The following TRIM24 variants were observed in gnomAD, a reference collection of about 807,000 sequenced individuals.
The protein encoded by TRIM24 is tripartite motif containing 24.
A neutral mutation model predicts 123.9 loss-of-function variants in TRIM24; 29 were observed. The observed-to-expected ratio is 0.23, with a 90% CI of 0.17 to 0.32. The LOEUF (loss-of-function observed/expected upper bound fraction) is 0.32. Ranked by LOEUF, TRIM24 falls within the 10% of genes least tolerant of loss-of-function variation. TRIM24 has a pLI of 1.00. For synonymous variants in TRIM24, 456 were observed against 461.1 expected (o/e 0.99, Z 0.14); for missense variants, 932 against 1,295.3 (o/e 0.72, Z 4.31).
rs893154813 is a variant in TRIM24 at position 138,460,882 on chromosome 7, G to A, written c.334G>A (p.Val112Ile). The change falls in exon 1 of 19, where the codon GTC becomes ATC. Residue 112 changes from valine (V) to isoleucine (I), a missense_variant. Physicochemically the swap from Val to Ile is conservative, Grantham distance 29. Coordinates refer to ENST00000343526, the MANE Select transcript of TRIM24 (RefSeq NM_015905.3). ...PPPVPAPGSP[V>I]SGSSPFATQV... is the part of the protein sequence containing the mutation. ...ACCCGTCCCTGCCCCCGGCTCGCCG[G>A]TCAGCGGCTCGTCGCCGTTCGCCAC... 10 of 1,529,272 alleles carry A rather than the reference G, an allele frequency of 6.5e-6. No individual in the cohort carries two copies. Among genetic ancestry groups the A allele is most frequent in the African/African-American group, 1.4e-5 (1 of 70,080 alleles). 94.7% of individuals were successfully genotyped at this position (1,529,272 alleles called of 1,614,324 possible). A position where few individuals can be genotyped will look rare whatever the true frequency, so the allele number is the denominator to read the frequency against.
At chr7:138,463,932 G>A (rs1210680955) in intron 1 of TRIM24, among the ~76,000 whole-genome samples, 1 of 141,994 alleles carries the variant, frequency 7.0e-6, no homozygotes, top group Non-Finnish European at 1.5e-5. Context: ...TGGGTATTTT[G>A]TCCCTTTATC....
chr7:138,585,691 T>G lies in TRIM24; in HGVS notation c.*740T>G. On this transcript the variant is annotated 3_prime_UTR_variant, in exon 19 of 19. Coordinates refer to ENST00000343526, the MANE Select transcript of TRIM24 (RefSeq NM_015905.3). ...ACATTTCTAGATCTAGATTTTCAACTTCTTCCACTGAGGGAAGTATATACA... is the reference window on the plus strand; with the variant it reads ...ACATTTCTAGATCTAGATTTTCAACGTCTTCCACTGAGGGAAGTATATACA... 5.1e-6 allele frequency: 2 copies of G among 394,198 alleles called. No homozygotes were observed. The highest frequency in any genetic ancestry group is 6.6e-5 in the East Asian group (1 of 15,222). 24.4% of individuals were successfully genotyped at this position (394,198 alleles called of 1,614,324 possible).
intron 2 of TRIM24, among the ~76,000 whole-genome samples, chr7:138,507,245 C>T (rs1031199624): frequency 6.6e-6 from 1 of 152,028 alleles, no homozygotes; most frequent in African/African-American, 2.4e-5. Context: ...GCCCATGGAC[C>T]CATCGCCTAG....
chr7:138,573,702 TA>T, intron 12 of TRIM24, 60 bp downstream of exon 12: 33 of 1,541,338 alleles, frequency 2.1e-5, no homozygotes, highest in Non-Finnish European at 2.9e-5. Context: ...TTACTTGGAA[TA>T]AAAAATTACC....
chr7:138,569,326 A>C (rs1333061866), intron 10 of TRIM24, among the ~76,000 whole-genome samples: 1 of 152,212 alleles, frequency 6.6e-6, no homozygotes, highest in Non-Finnish European at 1.5e-5. Flanking sequence ...ACATGAATGA[A>C]TAAGTAAAGG....
intron 12 of TRIM24, among the ~76,000 whole-genome samples, chr7:138,574,438 T>C (rs1042677218): frequency 1.3e-5 from 2 of 152,142 alleles, no homozygotes; most frequent in Admixed American, 6.5e-5. Flanking sequence ...TATGACAAAA[T>C]ATAGCAGAGA....
chr7:138,570,773 A>AT, intron 10 of TRIM24, 57 bp from the exon 11 acceptor site: 1 of 1,568,136 alleles, frequency 6.4e-7, no homozygotes, highest in Non-Finnish European at 8.7e-7. Flanking sequence ...GATTACATAG[A>AT]TGTTGTATTT....
chr7:138,555,670 G>A (rs542020749), intron 9 of TRIM24, among the ~76,000 whole-genome samples: 2 of 151,988 alleles, frequency 1.3e-5, no homozygotes, highest in African/African-American at 2.4e-5. Flanking sequence ...TTTTAGTAGA[G>A]ATGGGGTTTC....
Position 138,523,750 on chromosome 7 carries a change from C to CAAAAAA in TRIM24, c.765-1475_765-1470dup, listed in dbSNP as rs756103684. Among the ~76,000 whole-genome samples, 4 of 57,216 alleles carry CAAAAAA rather than the reference C, an allele frequency of 7.0e-5. 1 individual carries two copies. Among genetic ancestry groups the CAAAAAA allele is most frequent in the East Asian group, 4.6e-4 (1 of 2,184 alleles). 37.5% of individuals were successfully genotyped at this position (57,216 alleles called of 152,430 possible). ...TGGGCGACAGAGCGAGACTCCGTCT[C>CAAAAAA]AAAAAAAAAAAAAAAAAAAAAGCCC... On this transcript the variant is annotated intron_variant, in intron 4 of 18. Coordinates refer to ENST00000343526, the MANE Select transcript of TRIM24 (RefSeq NM_015905.3).
chr7:138,503,072 A>G (rs1194146153), intron 1 of TRIM24, among the ~76,000 whole-genome samples: 1 of 152,140 alleles, frequency 6.6e-6, no homozygotes, highest in Non-Finnish European at 1.5e-5. Context: ...TAGTTGTTGC[A>G]GCAACATGAA....
At chr7:138,575,864 T>C (rs1797747034) in intron 12 of TRIM24, among the ~76,000 whole-genome samples, 1 of 152,192 alleles carries the variant, frequency 6.6e-6, no homozygotes, top group South Asian at 2.1e-4. Flanking sequence ...TCTTTCTGTG[T>C]CTTCCATTAG....
chr7:138,552,797 C>A (rs576654909), intron 8 of TRIM24, among the ~76,000 whole-genome samples: 1 of 152,244 alleles, frequency 6.6e-6, no homozygotes, highest in East Asian at 1.9e-4. Flanking sequence ...TGATACATAG[C>A]AGGAAACTGG....
Position 138,587,427 on chromosome 7 carries a change from C to T in TRIM24, c.*2476C>T, listed in dbSNP as rs1443483769. On this transcript the variant is annotated 3_prime_UTR_variant, in exon 19 of 19. Coordinates refer to ENST00000343526, the MANE Select transcript of TRIM24 (RefSeq NM_015905.3). ...TGGTCTTTAGATTAATATCCTTTGA[C>T]TTTATTAATAAGTACCTGTGTGCCC... 1 of 152,170 alleles carries T rather than the reference C, an allele frequency of 6.6e-6. No individual in the cohort carries two copies. Among genetic ancestry groups the T allele is most frequent in the African/African-American group, 2.4e-5 (1 of 41,438 alleles). 9.4% of individuals were successfully genotyped at this position (152,170 alleles called of 1,614,324 possible).
chr7:138,518,813 T>C (rs917812738), intron 3 of TRIM24, among the ~76,000 whole-genome samples: 1 of 152,136 alleles, frequency 6.6e-6, no homozygotes, highest in Admixed American at 6.5e-5. Context: ...ATTTTCCAAA[T>C]TGCATTTTCA....
chr7:138,511,518 G>C (rs1796288427), intron 2 of TRIM24, among the ~76,000 whole-genome samples: 1 of 151,998 alleles, frequency 6.6e-6, no homozygotes. Flanking sequence ...TCGAACTCCT[G>C]ACCTCAGGTA....
intron 11 of TRIM24, 48 bp downstream of exon 11, chr7:138,571,051 C>G: frequency 1.3e-6 from 2 of 1,585,292 alleles, no homozygotes; most frequent in Non-Finnish European, 1.7e-6. Flanking sequence ...AACTGTTGGC[C>G]GGGTGCAGTG....
At chr7:138,538,596 T>G in intron 6 of TRIM24, 61 bp from the exon 7 acceptor site, 3 of 1,544,096 alleles carry the variant, frequency 1.9e-6, no homozygotes, top group Non-Finnish European at 2.7e-6. Flanking sequence ...TACCTGGAAA[T>G]GACCATCAAA....
At position 138,460,354 on chromosome 7, in the gene TRIM24, C is replaced by A; in HGVS notation, c.-195C>A. 1 of 473,312 alleles carries A rather than the reference C, an allele frequency of 2.1e-6. No individual in the cohort carries two copies. The highest frequency in any genetic ancestry group is 3.4e-6 in the Non-Finnish European group (1 of 295,442). The allele number at this position is 473,312 out of a possible 1,614,324, so 29.3% of individuals were successfully genotyped here. On this transcript the variant is annotated 5_prime_UTR_variant, in exon 1 of 19. Coordinates refer to ENST00000343526, the MANE Select transcript of TRIM24 (RefSeq NM_015905.3). ...CCGCTGACAGATACCCTCCTTCCGG[C>A]CGCGCCACTCGGGAGGCGGATCCCG...
At chr7:138,491,443 T>C (rs1350115030) in intron 1 of TRIM24, 1 of 154,910 alleles carries the variant, frequency 6.5e-6, no homozygotes, top group East Asian at 1.9e-4. Flanking sequence ...GCAATATTTG[T>C]CCTTTTCTGG....
Sources: gnomAD v4.1 joint callset for allele counts (sites outside exome capture counted in the v4.1 genomes callset) on GRCh38, gnomAD v4.1.1 for gene constraint, MANE v1.5 for transcripts, NCBI Gene and HGNC (gene_info 2026-07-23, HGNC 2026-07-21) for gene names.